The following UBE3D variants were observed in gnomAD, a reference collection of about 807,000 sequenced individuals.
UBE3D encodes E3 ubiquitin-protein ligase E3D.
UBE3D carries 48 observed loss-of-function variants against 49.6 expected under a neutral mutation model. The observed-to-expected ratio is 0.97, with a 90% CI of 0.77 to 1.23. UBE3D has a LOEUF of 1.23. Ranked by LOEUF, UBE3D falls within the 50% of genes most tolerant of loss-of-function variation. The pLI is 0.00. For synonymous variants in UBE3D, 189 were observed against 174.2 expected, an observed-to-expected ratio of 1.08 and a Z score of -0.67; for missense variants, 452 against 468.4, an observed-to-expected ratio of 0.96 and a Z score of 0.32.
intron 9 of UBE3D, among the ~76,000 whole-genome samples, chr6:82,931,114 T>G (rs951296242): frequency 3.3e-5 from 5 of 152,224 alleles, no homozygotes; most frequent in Non-Finnish European, 7.4e-5. Flanking sequence ...GGTTGTGGCT[T>G]CAGAGGGTGC....
At chr6:82,921,246 C>T (rs551754469) in intron 9 of UBE3D, among the ~76,000 whole-genome samples, 1 of 152,224 alleles carries the variant, frequency 6.6e-6, no homozygotes, top group African/African-American at 2.4e-5. Context: ...TAGCACCTGG[C>T]CCTGAATATT....
chr6:82,981,818 A>C (rs1174305105), intron 8 of UBE3D, among the ~76,000 whole-genome samples: 1 of 152,104 alleles, frequency 6.6e-6, no homozygotes, highest in African/African-American at 2.4e-5. Context: ...GATATTTAAA[A>C]ATTATTCTCA....
At chr6:82,949,494 C>CAT (rs1301449882) in intron 9 of UBE3D, among the ~76,000 whole-genome samples, 3 of 106,898 alleles carry the variant, frequency 2.8e-5, no homozygotes, top group African/African-American at 1.1e-4. Flanking sequence ...TGACATTCTT[C>CAT]AGAAATAGAA....
At chr6:82,935,211 G>C (rs999991027) in intron 9 of UBE3D, among the ~76,000 whole-genome samples, 3 of 151,518 alleles carry the variant, frequency 2.0e-5, no homozygotes, top group Admixed American at 6.6e-5. Flanking sequence ...TCATCACATG[G>C]AGAAAGCAGA....
chr6:83,059,717 C>T (rs546446534), intron 1 of UBE3D, among the ~76,000 whole-genome samples: 4 of 151,748 alleles, frequency 2.6e-5, no homozygotes, highest in African/African-American at 4.8e-5. Context: ...TGGCCCAGCA[C>T]GGATTTGAGA....
At position 82,957,417 on chromosome 6, in the gene UBE3D, G is replaced by A. The variant is rs1222483013; in HGVS notation, c.1044C>T (p.Val348=). 6.2e-7 allele frequency: 1 copy of A among 1,614,018 alleles called. No homozygotes were observed. Among genetic ancestry groups the A allele is most frequent in the African/African-American group, 1.3e-5 (1 of 75,028 alleles). The change falls in exon 9 of 10, where the codon GTC becomes GTT. Residue 348 remains valine (V), a synonymous_variant. Transcript: ENST00000369747. ...LVSLWESDIS[V]HPLTLPSATC... ...TTGCAGAGGGCAGGGTTAGCGGGTG[G>A]ACGCTGATGTCACTTTCCCACAAGC...
chr6:83,012,396 G>A (rs1010726740), intron 8 of UBE3D, among the ~76,000 whole-genome samples: 24 of 152,158 alleles, frequency 1.6e-4, no homozygotes, highest in African/African-American at 4.6e-4. Context: ...GGCAAATTGC[G>A]CGTTCAGCAG....
intron 9 of UBE3D, among the ~76,000 whole-genome samples, chr6:82,899,119 C>T (rs1407489228): frequency 1.3e-5 from 2 of 152,010 alleles, no homozygotes; most frequent in African/African-American, 4.8e-5. Flanking sequence ...CAGGAGGAAG[C>T]AAAGAGAGCC....
At chr6:83,034,581 G>T (rs1782109468) in intron 5 of UBE3D, among the ~76,000 whole-genome samples, 1 of 152,020 alleles carries the variant, frequency 6.6e-6, no homozygotes, top group Admixed American at 6.6e-5. Context: ...GGTCTCTAAT[G>T]GTTTAGCACC....
intron 8 of UBE3D, among the ~76,000 whole-genome samples, chr6:82,958,242 C>CA (rs1465397307): frequency 6.6e-6 from 1 of 151,930 alleles, no homozygotes; most frequent in Non-Finnish European, 1.5e-5. Context: ...AGGGAAACAT[C>CA]AAAAAATAAT....
In UBE3D at chr6:83,026,776, C is replaced by T. The variant is rs545962886; in HGVS notation, c.668-2738G>A. On this transcript the variant is annotated intron_variant, in intron 5 of 9. Coordinates refer to ENST00000369747, the MANE Select transcript of UBE3D (RefSeq NM_198920.3). ...GGTGTGATCACAGCTCACTGTACCT[C>T]GAACCCCTGGGCTTAAGTGATCCTT... Among the ~76,000 whole-genome samples the T allele has an allele frequency of 8.1e-4, 123 of 152,124 alleles. 1 individual carries two copies. The highest frequency in any genetic ancestry group is 2.8e-3 in the African/African-American group (118 of 41,440).
chr6:83,060,052 A>G (rs983733354), intron 1 of UBE3D, among the ~76,000 whole-genome samples: 1 of 152,052 alleles, frequency 6.6e-6, no homozygotes, highest in Admixed American at 6.5e-5. Context: ...AAGGACACTA[A>G]TCTCATCAGG....
intron 8 of UBE3D, among the ~76,000 whole-genome samples, chr6:82,972,786 G>C (rs1777446067): frequency 6.6e-6 from 1 of 151,932 alleles, no homozygotes; most frequent in African/African-American, 2.4e-5. Context: ...TTCTATTTTT[G>C]AAATCTGAAC....
chr6:83,053,817 A>G (rs1192156061), intron 3 of UBE3D, among the ~76,000 whole-genome samples: 1 of 152,196 alleles, frequency 6.6e-6, no homozygotes, highest in Non-Finnish European at 1.5e-5. Flanking sequence ...AATGTGGAAA[A>G]TGTCACTCAG....
rs1383786175 is a variant in UBE3D, at chr6:82,966,372, C to T, written c.1011-8922G>A. Among the ~76,000 whole-genome samples, 8 of 71,972 alleles carry T rather than the reference C, an allele frequency of 1.1e-4. 3 individuals carry two copies. Among genetic ancestry groups the T allele is most frequent in the African/African-American group, 1.6e-4 (2 of 12,834 alleles). 47.2% of individuals were successfully genotyped at this position (71,972 alleles called of 152,430 possible). On this transcript the variant is annotated intron_variant, in intron 8 of 9. Transcript: ENST00000369747. ...AATATACTTAAAAACCACTGAGGGC[C>T]GGGCGCGGTGGCTCACGCCTGTAAT... is the stretch of plus-strand genomic sequence containing the variant.
intron 9 of UBE3D, among the ~76,000 whole-genome samples, chr6:82,902,194 G>A (rs1184489708): frequency 6.6e-6 from 1 of 152,082 alleles, no homozygotes; most frequent in Non-Finnish European, 1.5e-5. Context: ...GCTGAGGAGG[G>A]GACTATGAGA....
At chr6:82,963,560 C>G in intron 8 of UBE3D, among the ~76,000 whole-genome samples, 1 of 152,182 alleles carries the variant, frequency 6.6e-6, no homozygotes, top group East Asian at 1.9e-4. Flanking sequence ...TGTTCGAGAA[C>G]AGGAAGCATC....
intron 8 of UBE3D, among the ~76,000 whole-genome samples, chr6:82,981,007 G>A (rs1178375639): frequency 5.9e-5 from 9 of 151,890 alleles, no homozygotes; most frequent in Non-Finnish European, 8.8e-5. Context: ...TTTAATCAAC[G>A]TAGTGATCAT....
At chr6:83,055,207 T>C (rs1783739632) in intron 2 of UBE3D, among the ~76,000 whole-genome samples, 1 of 152,210 alleles carries the variant, frequency 6.6e-6, no homozygotes, top group African/African-American at 2.4e-5. Flanking sequence ...CCTTAGTTTC[T>C]ATTATTTCTT....
Sources: gnomAD v4.1 joint callset for allele counts (sites outside exome capture counted in the v4.1 genomes callset) on GRCh38, gnomAD v4.1.1 for gene constraint, MANE v1.5 for transcripts, NCBI Gene and HGNC (gene_info 2026-07-23, HGNC 2026-07-21) for gene names.